PIK3CB: variants seen among roughly 807,000 people sequenced by gnomAD.
The protein encoded by PIK3CB is phosphatidylinositol 4,5-bisphosphate 3-kinase catalytic subunit beta isoform.
In PIK3CB, 39 loss-of-function variants were observed where a neutral mutation model predicts 136.8. The ratio of observed to expected loss-of-function variants is 0.29; its 90% CI spans 0.22 to 0.37. The LOEUF is 0.37. PIK3CB is among the 10% of genes least tolerant of loss of function. The pLI, the probability that PIK3CB is intolerant of heterozygous loss-of-function variation, is 1.00. For synonymous variants in PIK3CB, 428 were observed against 436.6 expected (o/e 0.98, Z 0.25); for missense variants, 868 against 1,275.4 (o/e 0.68, Z 4.87).
chr3:138,807,874 A>C (rs2046251365), intron 1 of PIK3CB, among the ~76,000 whole-genome samples: 1 of 151,490 alleles, frequency 6.6e-6, no homozygotes. Context: ...CAGCCTGGGG[A>C]AGACAGCAAG....
intron 17 of PIK3CB, 110 bp downstream of exon 17, chr3:138,684,515 A>T: frequency 1.5e-6 from 1 of 667,628 alleles, no homozygotes; most frequent in Non-Finnish European, 2.3e-6. Flanking sequence ...TTCCTTCCTT[A>T]ATTATATTCT....
At chr3:138,728,189 A>T (rs2044883004) in intron 8 of PIK3CB, among the ~76,000 whole-genome samples, 1 of 152,218 alleles carries the variant, frequency 6.6e-6, no homozygotes, top group Non-Finnish European at 1.5e-5. Context: ...GTTCAATTAA[A>T]TATTTAAGCA....
chr3:138,673,494 T>C (rs2043581185), intron 19 of PIK3CB, among the ~76,000 whole-genome samples: 1 of 151,984 alleles, frequency 6.6e-6, no homozygotes, highest in African/African-American at 2.4e-5. Flanking sequence ...ATGAATAATA[T>C]CCTCAAGGCT....
At chr3:138,804,576 T>G (rs565894842) in intron 1 of PIK3CB, among the ~76,000 whole-genome samples, 13 of 152,332 alleles carry the variant, frequency 8.5e-5, no homozygotes, top group African/African-American at 2.4e-4. Flanking sequence ...CAATGATGTT[T>G]TCATTCTGAT....
At chr3:138,824,883 AC>A (rs1468288658) in intron 1 of PIK3CB, among the ~76,000 whole-genome samples, 2 of 145,408 alleles carry the variant, frequency 1.4e-5, no homozygotes, top group East Asian at 3.9e-4. Flanking sequence ...CACTGCCTCT[AC>A]AAAATACCAA....
chr3:138,787,922 C>CT (rs35705968), intron 2 of PIK3CB, among the ~76,000 whole-genome samples: 165 of 129,042 alleles, frequency 1.3e-3, no homozygotes, highest in Middle Eastern at 0.012. Flanking sequence ...AACTAGAAGA[C>CT]TTTTTTTTTT....
chr3:138,685,422 A>G (rs1343039806), intron 16 of PIK3CB, among the ~76,000 whole-genome samples: 1 of 140,990 alleles, frequency 7.1e-6, no homozygotes, highest in Non-Finnish European at 1.6e-5. Context: ...AAAAAAAAAA[A>G]AGAAAGAAAG....
In PIK3CB at chr3:138,704,533, T is replaced by A. The variant is rs373209308; in HGVS notation, c.1531-40A>T. ...TAAAGAAAATGAATTTTGGCTCTCA[T>A]ATTTGTAGAATTTTAAGTGTAAATG... On this transcript the variant is annotated intron_variant, in intron 11 of 23. Coordinates refer to ENST00000674063, the MANE Select transcript of PIK3CB (RefSeq NM_006219.3). The A allele has an allele frequency of 6.6e-4, 906 of 1,362,630 alleles. 11 individuals are homozygous for A. In the South Asian group the frequency reaches 9.9e-3, roughly 15 times the overall value. The allele number at this position is 1,362,630 out of a possible 1,614,324, so 84.4% of individuals were successfully genotyped here. A position where few individuals can be genotyped will look rare whatever the true frequency, so the allele number is the denominator to read the frequency against.
intron 4 of PIK3CB, among the ~76,000 whole-genome samples, chr3:138,745,478 CA>C (rs2045335199): frequency 6.6e-6 from 1 of 152,006 alleles, no homozygotes; most frequent in Non-Finnish European, 1.5e-5. Flanking sequence ...ATTAAAAACA[CA>C]AAAATTAGCC....
intron 8 of PIK3CB, among the ~76,000 whole-genome samples, chr3:138,732,654 G>A (rs1462422965): frequency 6.9e-6 from 1 of 144,658 alleles, no homozygotes; most frequent in African/African-American, 2.5e-5. Flanking sequence ...CCATAACGTA[G>A]TAATCTATTT....
intron 8 of PIK3CB, among the ~76,000 whole-genome samples, chr3:138,716,837 T>C (rs2044617273): frequency 8.3e-6 from 1 of 120,966 alleles, no homozygotes; most frequent in Non-Finnish European, 1.6e-5. Context: ...CGGGTTGCAG[T>C]GAGCCAAGAC....
At chr3:138,727,563 C>T (rs1219857178) in intron 8 of PIK3CB, among the ~76,000 whole-genome samples, 2 of 152,196 alleles carry the variant, frequency 1.3e-5, no homozygotes, top group Non-Finnish European at 2.9e-5. Flanking sequence ...CAGAACTGGG[C>T]CAACAACTTG....
In PIK3CB at chr3:138,807,981, G is replaced by A. The variant is rs191135937; in HGVS notation, c.-121-11414C>T. On this transcript the variant is annotated intron_variant, in intron 1 of 23. Coordinates refer to ENST00000674063, the MANE Select transcript of PIK3CB (RefSeq NM_006219.3). ...CCTTGATCTCCTCATAAACTCGAGG[G>A]TTTTTTTTAAAAACACAATTAAGCA... Among the ~76,000 whole-genome samples the A allele has an allele frequency of 1.4e-3, 219 of 151,630 alleles. 1 individual carries two copies. The highest frequency in any genetic ancestry group is 2.5e-3 in the Admixed American group (38 of 15,176).
In PIK3CB at chr3:138,682,004, T is replaced by C; in HGVS notation, c.2467A>G (p.Met823Val). 1 of 1,611,504 alleles carries C rather than the reference T, an allele frequency of 6.2e-7. No homozygotes were observed. Among genetic ancestry groups the C allele is most frequent in the Non-Finnish European group, 8.5e-7 (1 of 1,178,992 alleles). The change falls in exon 19 of 24, where the codon ATG becomes GTG. Residue 823 changes from methionine to valine, a missense_variant. This residue lies in a region of PIK3CB where 165 missense variants were observed against 295.4 expected (regional missense o/e 0.56). Coordinates refer to ENST00000674063, the MANE Select transcript of PIK3CB (RefSeq NM_006219.3). ...DMLTLQMLRL[M>V]DLLWKEAGLD... ...CCAGCTTCTTTCCAGAGTAAATCCA[T>C]CAAGCGCAACATTTGGAGTGTCAAC...
chr3:138,693,966 T>TATATATATATA (rs1457395869), intron 14 of PIK3CB, among the ~76,000 whole-genome samples: 435 of 42,360 alleles, frequency 0.01, 67 homozygotes, highest in Middle Eastern at 0.024. Flanking sequence ...TATATATATA[T>TATATATATATA]TATATATATA....
intron 1 of PIK3CB, among the ~76,000 whole-genome samples, chr3:138,817,025 AC>A (rs1156667611): frequency 1.4e-5 from 2 of 140,094 alleles, no homozygotes; most frequent in East Asian, 4.2e-4. Context: ...ACATGGAGAA[AC>A]CCCGTCTCTA....
At chr3:138,708,150 C>T (rs2044416899) in intron 10 of PIK3CB, among the ~76,000 whole-genome samples, 1 of 152,064 alleles carries the variant, frequency 6.6e-6, no homozygotes, top group Admixed American at 6.5e-5. Context: ...ATAAAGTATG[C>T]ACACTCAGAA....
At chr3:138,720,890 A>G (rs951160187) in intron 8 of PIK3CB, among the ~76,000 whole-genome samples, 1 of 152,106 alleles carries the variant, frequency 6.6e-6, no homozygotes, top group African/African-American at 2.4e-5. Context: ...AAAAGAAAAG[A>G]AAGGAAAGAA....
chr3:138,668,453 C>T (rs937803407), intron 19 of PIK3CB, among the ~76,000 whole-genome samples: 4 of 152,154 alleles, frequency 2.6e-5, no homozygotes, highest in Non-Finnish European at 4.4e-5. Flanking sequence ...GAGCCCTAAT[C>T]ATCTCACCTA....
Sources: allele counts gnomAD v4.1 joint callset (sites outside exome capture counted in the v4.1 genomes callset), GRCh38; gene constraint gnomAD v4.1.1; regional missense constraint gnomAD v4.1.1; transcripts MANE v1.5; gene names NCBI Gene and HGNC (gene_info 2026-07-23, HGNC 2026-07-21).